Variants in ACTR3C observed in about 807,000 individuals in gnomAD.
ACTR3C encodes actin-related protein 3C.
Under a neutral mutation model 26.3 loss-of-function variants are expected in ACTR3C, and 18 were observed. The observed-to-expected ratio is 0.68, with a 90% CI of 0.47 to 1.01. The LOEUF is 1.01. Among genes scored for constraint, ACTR3C ranks in the 50% least tolerant of loss-of-function variants. The pLI, the probability that ACTR3C is intolerant of heterozygous loss-of-function variation, is 0.00. For synonymous variants in ACTR3C, 55 were observed against 94.5 expected (o/e 0.58, Z 2.42); for missense variants, 184 against 250.7 (o/e 0.73, Z 1.80).
chr7:149,926,936 G>C, the ACTR3C span, among the ~76,000 whole-genome samples: 1 of 151,970 alleles, frequency 6.6e-6, no homozygotes, highest in Admixed American at 6.6e-5. Flanking sequence ...GCCTTCTCTC[G>C]TGCTCACAAT....
chr7:150,155,900 A>G, the ACTR3C span, among the ~76,000 whole-genome samples: 2 of 151,340 alleles, frequency 1.3e-5, 1 homozygote, highest in Non-Finnish European at 2.9e-5. Context: ...CTGCCCCAGT[A>G]ATTCATTTAA....
chr7:150,221,250 C>A, the ACTR3C span, among the ~76,000 whole-genome samples: 1 of 152,118 alleles, frequency 6.6e-6, no homozygotes, highest in East Asian at 1.9e-4. Context: ...CAATAGAAGT[C>A]TCTGCAGCTT....
the ACTR3C span, among the ~76,000 whole-genome samples, chr7:149,908,626 G>A: frequency 6.6e-6 from 1 of 152,030 alleles, no homozygotes; most frequent in Non-Finnish European, 1.5e-5. Flanking sequence ...ACAACATCGT[G>A]GCCCCCTAAA....
At chr7:149,924,573 A>C in the ACTR3C span, among the ~76,000 whole-genome samples, 2 of 152,302 alleles carry the variant, frequency 1.3e-5, no homozygotes, top group South Asian at 4.1e-4. Flanking sequence ...AGCGGTTAAG[A>C]GTCCCTAAAA....
chr7:150,035,206 G>C, the ACTR3C span, among the ~76,000 whole-genome samples: 4 of 127,832 alleles, frequency 3.1e-5, no homozygotes, highest in Admixed American at 7.4e-5. Flanking sequence ...CCTCACGGGG[G>C]GTGCCTCCCA....
At chr7:150,119,308 TC>T in the ACTR3C span, among the ~76,000 whole-genome samples, 1 of 151,872 alleles carries the variant, frequency 6.6e-6, no homozygotes. Context: ...GGATAAAGAG[TC>T]AAGACCCATT....
chr7:149,967,396 G>A, the ACTR3C span, among the ~76,000 whole-genome samples: 71 of 152,068 alleles, frequency 4.7e-4, 1 homozygote, highest in South Asian at 0.014. Context: ...GGTCTCAAAC[G>A]CCTGGGCTGA....
intron 6 of ACTR3C, among the ~76,000 whole-genome samples, chr7:150,253,404 G>A (rs1156922385): frequency 1.3e-5 from 2 of 152,032 alleles, no homozygotes; most frequent in African/African-American, 2.4e-5. Context: ...GTTTTTACCC[G>A]ATTTTAATAT....
chr7:150,018,140 C>T, the ACTR3C span, among the ~76,000 whole-genome samples: 1 of 150,082 alleles, frequency 6.7e-6, no homozygotes, highest in Non-Finnish European at 1.5e-5. Flanking sequence ...TGGAGTCTAG[C>T]TCTGTCCCCC....
the ACTR3C span, among the ~76,000 whole-genome samples, chr7:150,120,094 C>T: frequency 2.0e-4 from 30 of 152,130 alleles, no homozygotes; most frequent in East Asian, 5.8e-4. Context: ...AGTGTTTAGA[C>T]GGACATTTAT....
the ACTR3C span, among the ~76,000 whole-genome samples, chr7:149,951,819 C>G: frequency 3.3e-5 from 5 of 149,930 alleles, no homozygotes; most frequent in African/African-American, 1.0e-4. Context: ...GGTGTGTAGG[C>G]GCCAGGGCCA....
intron 6 of ACTR3C, among the ~76,000 whole-genome samples, chr7:150,278,949 A>AT (rs1835105069): frequency 6.6e-6 from 1 of 152,268 alleles, no homozygotes; most frequent in African/African-American, 2.4e-5. Flanking sequence ...AATGATATGT[A>AT]TTTTTTTCTG....
chr7:150,221,861 G>C, the ACTR3C span, among the ~76,000 whole-genome samples: 1 of 152,002 alleles, frequency 6.6e-6, no homozygotes, highest in Non-Finnish European at 1.5e-5. Flanking sequence ...AGCCAGGCGT[G>C]GTGGCGGGTG....
the ACTR3C span, among the ~76,000 whole-genome samples, chr7:150,161,785 C>A: frequency 6.6e-6 from 1 of 152,084 alleles, no homozygotes; most frequent in Non-Finnish European, 1.5e-5. Context: ...CAAACGTTGC[C>A]ACTCTTTCAA....
At chr7:150,150,043 G>GC in the ACTR3C span, among the ~76,000 whole-genome samples, 18 of 151,886 alleles carry the variant, frequency 1.2e-4, no homozygotes, top group Non-Finnish European at 2.6e-4. Context: ...CTTCTTTCTT[G>GC]CCCTCCCAGC....
chr7:149,916,804 C>T, the ACTR3C span, among the ~76,000 whole-genome samples: 1 of 150,898 alleles, frequency 6.6e-6, no homozygotes, highest in Non-Finnish European at 1.5e-5. Context: ...CTTAACTTGT[C>T]TGAGACCTTT....
chr7:150,249,080 G>A (rs1275695015), intron 6 of ACTR3C, 26 bp from the exon 7 acceptor site: 4 of 639,322 alleles, frequency 6.3e-6, no homozygotes, highest in East Asian at 2.8e-5. Flanking sequence ...AACAGTTATA[G>A]GGCAGCAGAG....
downstream of ACTR3C, chr7:150,246,219 A>G (rs1164408256): frequency 6.6e-6 from 1 of 152,230 alleles, no homozygotes; most frequent in Non-Finnish European, 1.5e-5. Context: ...AAGTTCAAGC[A>G]CAAGCACTTG....
chr7:150,151,885 T>C, the ACTR3C span, among the ~76,000 whole-genome samples: 2 of 137,624 alleles, frequency 1.5e-5, 1 homozygote, highest in Non-Finnish European at 3.2e-5. Context: ...ATAATAATAA[T>C]AAAAAAAATT....
Sources: allele counts gnomAD v4.1 joint callset (sites outside exome capture counted in the v4.1 genomes callset), GRCh38; gene constraint gnomAD v4.1.1; transcripts MANE v1.5; gene names NCBI Gene and HGNC (gene_info 2026-07-23, HGNC 2026-07-21).